HDAC9: variants seen among roughly 807,000 people sequenced by gnomAD.
The protein encoded by HDAC9 is MEF-2 interacting transcription repressor (MITR) protein.
HDAC9 carries 41 observed loss-of-function variants against 139.4 expected under a neutral mutation model. The observed-to-expected ratio is 0.29, with a 90% CI of 0.23 to 0.38. HDAC9 has a LOEUF of 0.38. Ranked by LOEUF, HDAC9 falls within the 10% of genes least tolerant of loss-of-function variation. The pLI, the probability that HDAC9 is intolerant of heterozygous loss-of-function variation, is 1.00. For missense variants in HDAC9, 1,147 were observed against 1,297.0 expected, an observed-to-expected ratio of 0.88 and a Z score of 1.78; for synonymous variants, 517 against 476.2, an observed-to-expected ratio of 1.09 and a Z score of -1.12.
intron 1 of HDAC9, among the ~76,000 whole-genome samples, chr7:18,462,724 A>G (rs1793955941): frequency 6.6e-6 from 1 of 151,892 alleles, no homozygotes; most frequent in Non-Finnish European, 1.5e-5. Context: ...GTTGATTTTT[A>G]CTGCTGTATA....
chr7:18,222,257 A>G (rs1432394108), intron 2 of HDAC9, among the ~76,000 whole-genome samples: 1 of 152,146 alleles, frequency 6.6e-6, no homozygotes, highest in Non-Finnish European at 1.5e-5. Flanking sequence ...GAACTGAGAA[A>G]CATGCTTTTC....
At chr7:18,706,770 A>T (rs1377646496) in intron 12 of HDAC9, among the ~76,000 whole-genome samples, 1 of 152,234 alleles carries the variant, frequency 6.6e-6, no homozygotes, top group African/African-American at 2.4e-5. Context: ...ACAAATAATT[A>T]TTTGGACTAG....
intron 12 of HDAC9, among the ~76,000 whole-genome samples, chr7:18,681,665 T>C (rs1032363006): frequency 6.6e-6 from 1 of 152,012 alleles, no homozygotes; most frequent in Non-Finnish European, 1.5e-5. Context: ...TGTCCCAGAT[T>C]TGAGGTTCTT....
At chr7:18,734,683 G>A (rs1368731709) in intron 13 of HDAC9, among the ~76,000 whole-genome samples, 1 of 152,162 alleles carries the variant, frequency 6.6e-6, no homozygotes, top group Non-Finnish European at 1.5e-5. Context: ...TGTGAATAGT[G>A]CTACAATAAA....
At chr7:18,202,211 T>C (rs1410283291) in intron 2 of HDAC9, among the ~76,000 whole-genome samples, 2 of 152,234 alleles carry the variant, frequency 1.3e-5, no homozygotes, top group African/African-American at 4.8e-5. Flanking sequence ...CACAGAACTC[T>C]CTTGGAAATT....
At chr7:18,956,344 A>C (rs533653931) in intron 24 of HDAC9, among the ~76,000 whole-genome samples, 1 of 152,268 alleles carries the variant, frequency 6.6e-6, no homozygotes, top group South Asian at 2.1e-4. Context: ...TGTTTCTCTT[A>C]AAAATATCAA....
At chr7:18,366,859 C>T (rs1039942537) in intron 1 of HDAC9, among the ~76,000 whole-genome samples, 1 of 151,792 alleles carries the variant, frequency 6.6e-6, no homozygotes, top group African/African-American at 2.4e-5. Flanking sequence ...TAGATTGTCA[C>T]ATCTTCTATA....
intron 2 of HDAC9, among the ~76,000 whole-genome samples, chr7:18,260,065 G>C (rs1367673611): frequency 6.6e-6 from 1 of 152,150 alleles, no homozygotes; most frequent in African/African-American, 2.4e-5. Flanking sequence ...TTAGGTGTGT[G>C]TACTCAGAAG....
intron 1 of HDAC9, among the ~76,000 whole-genome samples, chr7:18,479,982 G>GTT (rs1795420229): frequency 7.8e-6 from 1 of 128,862 alleles, no homozygotes; most frequent in African/African-American, 2.9e-5. Flanking sequence ...ATTCCACTCT[G>GTT]TCTTTTTTTT....
At chr7:18,431,015 TTGTCCTGTCCTGTCCTGTCC>T (rs10587067) in intron 1 of HDAC9, among the ~76,000 whole-genome samples, 17 of 148,314 alleles carry the variant, frequency 1.1e-4, no homozygotes, top group East Asian at 4.0e-4. Context: ...TTATCCTATC[TTGTCCTGTCCTGTCCTGTCC>T]TGTCCTGTCC....
rs531535271 is a variant in HDAC9, at chr7:18,746,625, A to G, written c.1910-2380A>G. 4.6e-5 allele frequency among the ~76,000 whole-genome samples: 7 copies of G among 152,316 alleles called. No individual in the cohort carries two copies. In the South Asian group the frequency reaches 1.4e-3, roughly 32 times the overall value. The stretch of plus-strand genomic sequence containing the variant: ...TTCAGGAATCCAAGGAGATCCACCA[A>G]TTAATTCATTGAGGAAAGCTTTAGT... On this transcript the variant is annotated intron_variant, in intron 13 of 25. Transcript: ENST00000686413.
At chr7:18,575,215 A>T (rs1157567797) in intron 2 of HDAC9, among the ~76,000 whole-genome samples, 2 of 152,268 alleles carry the variant, frequency 1.3e-5, no homozygotes, top group African/African-American at 4.8e-5. Flanking sequence ...GCATTTCAGC[A>T]TGTCTCAAAA....
intron 1 of HDAC9, among the ~76,000 whole-genome samples, chr7:18,141,724 T>C (rs921454207): frequency 6.6e-6 from 1 of 152,152 alleles, no homozygotes; most frequent in Non-Finnish European, 1.5e-5. Context: ...CACATGTCTG[T>C]TATTCTTAGT....
intron 2 of HDAC9, among the ~76,000 whole-genome samples, chr7:18,559,254 C>T (rs918457137): frequency 6.6e-6 from 1 of 152,140 alleles, no homozygotes; most frequent in African/African-American, 2.4e-5. Flanking sequence ...TTCTCCCTCT[C>T]TCCCGGCCCA....
At chr7:18,946,579 T>C (rs572038030) in intron 23 of HDAC9, among the ~76,000 whole-genome samples, 43 of 152,248 alleles carry the variant, frequency 2.8e-4, no homozygotes, top group Non-Finnish European at 5.3e-4. Context: ...AAAGAGGTGT[T>C]TCATACTGAT....
intron 13 of HDAC9, among the ~76,000 whole-genome samples, chr7:18,741,769 ATTAAGAACAT>A (rs1787484478): frequency 6.6e-6 from 1 of 152,228 alleles, no homozygotes; most frequent in Non-Finnish European, 1.5e-5. Context: ...TCTAGATGCC[ATTAAGAACAT>A]TCATGATTCA....
At chr7:18,571,253 C>A (rs1167525723) in intron 2 of HDAC9, among the ~76,000 whole-genome samples, 1 of 152,154 alleles carries the variant, frequency 6.6e-6, no homozygotes, top group Admixed American at 6.6e-5. Flanking sequence ...AATTTCAGTT[C>A]TCATAAAACA....
In HDAC9 at chr7:18,605,790, C is replaced by G. The variant is rs569477782; in HGVS notation, c.664+11761C>G. 2.0e-5 allele frequency among the ~76,000 whole-genome samples: 3 copies of G among 152,286 alleles called. No homozygotes were observed. In the South Asian group the frequency reaches 6.2e-4, roughly 32 times the overall value. The stretch of plus-strand genomic sequence containing the variant: ...CCGCCTCCCAGGTTCACGCTATTCT[C>G]CTGCCTCAGCCTCCCGAGTAGCTGG... On this transcript the variant is annotated intron_variant, in intron 6 of 25. Coordinates refer to ENST00000686413, the MANE Select transcript of HDAC9 (RefSeq NM_178425.4).
chr7:18,911,558 G>C (rs1223683354), intron 22 of HDAC9, among the ~76,000 whole-genome samples: 1 of 150,190 alleles, frequency 6.7e-6, no homozygotes, highest in African/African-American at 2.4e-5. Context: ...ACTAATTTGG[G>C]GTTTGGTTTT....
Sources: gnomAD v4.1 joint callset for allele counts (sites outside exome capture counted in the v4.1 genomes callset) on GRCh38, gnomAD v4.1.1 for gene constraint, MANE v1.5 for transcripts, NCBI Gene and HGNC (gene_info 2026-07-23, HGNC 2026-07-21) for gene names.